Variants in PRELID2 observed in about 807,000 individuals in gnomAD.
PRELID2 encodes the protein PRELI domain-containing protein 2.
In PRELID2, 25 loss-of-function variants were observed where a neutral mutation model predicts 28.4. The ratio of observed to expected loss-of-function variants is 0.88; its 90% CI spans 0.64 to 1.23. The LOEUF (loss-of-function observed/expected upper bound fraction) is 1.23. PRELID2 is among the 50% of genes most tolerant of loss of function. PRELID2 has a pLI of 0.00. For synonymous variants in PRELID2, 76 were observed against 71.6 expected, an observed-to-expected ratio of 1.06 and a Z score of -0.31; for missense variants, 201 against 214.4, an observed-to-expected ratio of 0.94 and a Z score of 0.39.
intron 1 of PRELID2, among the ~76,000 whole-genome samples, chr5:145,734,156 C>T (rs1362658885): frequency 6.6e-6 from 1 of 152,098 alleles, no homozygotes; most frequent in Non-Finnish European, 1.5e-5. Flanking sequence ...CACTCTGTCA[C>T]CCAGGCTGGA....
intron 5 of PRELID2, among the ~76,000 whole-genome samples, chr5:145,773,090 T>G (rs6870640): frequency 6.6e-6 from 1 of 152,190 alleles, no homozygotes; most frequent in African/African-American, 2.4e-5. Context: ...TATAAAGCTT[T>G]CTCTCTCCTT....
intron 1 of PRELID2, among the ~76,000 whole-genome samples, chr5:145,831,029 G>C (rs11745319): frequency 0.7 from 105,912 of 152,022 alleles, 38,294 homozygotes; most frequent in Non-Finnish European, 0.81. Context: ...TATGATTGTC[G>C]CTTCTGCCAA....
downstream of PRELID2, among the ~76,000 whole-genome samples, chr5:145,752,515 TG>T (rs1757150640): frequency 6.6e-6 from 1 of 152,156 alleles, no homozygotes; most frequent in Non-Finnish European, 1.5e-5. Flanking sequence ...AAAGATATGT[TG>T]GGGGCAGGGT....
At chr5:145,310,888 A>T in the PRELID2 span, among the ~76,000 whole-genome samples, 1 of 152,042 alleles carries the variant, frequency 6.6e-6, no homozygotes, top group African/African-American at 2.4e-5. Flanking sequence ...CTAAATAAAA[A>T]TTCCAATCTT....
chr5:145,741,846 A>C (rs1756796358), intron 1 of PRELID2, among the ~76,000 whole-genome samples: 2 of 51,472 alleles, frequency 3.9e-5, no homozygotes, highest in Admixed American at 6.2e-4. Flanking sequence ...TAAATATATA[A>C]AACATTTTTA....
At chr5:145,414,395 T>C in the PRELID2 span, among the ~76,000 whole-genome samples, 1 of 152,198 alleles carries the variant, frequency 6.6e-6, no homozygotes, top group African/African-American at 2.4e-5. Flanking sequence ...CCAGGCCTGC[T>C]GAAAATCTGT....
intron 1 of PRELID2, among the ~76,000 whole-genome samples, chr5:145,676,712 C>A (rs1421838602): frequency 1.3e-5 from 2 of 152,142 alleles, no homozygotes; most frequent in African/African-American, 4.8e-5. Flanking sequence ...TAAATAAACA[C>A]CACCATCCAT....
At chr5:145,529,756 T>C (rs1393668009) in intron 1 of PRELID2, among the ~76,000 whole-genome samples, 3 of 152,110 alleles carry the variant, frequency 2.0e-5, no homozygotes, top group Non-Finnish European at 4.4e-5. Context: ...AAAATATGTG[T>C]CTGCTTTAGA....
chr5:145,783,476 G>A lies in PRELID2; in HGVS notation c.474+12966C>T, dbSNP rs139846528. Among the ~76,000 whole-genome samples, 173 of 152,324 alleles carry A rather than the reference G, an allele frequency of 1.1e-3. 1 individual carries two copies. Among genetic ancestry groups the A allele is most frequent in the Non-Finnish European group, 2.1e-3 (140 of 68,020 alleles). Reference sequence around the variant, plus strand: ...GGGGAAGGAGATGTGTAAGAATACAGCAGCTACTATGATATACCTGGTCTA... The same window carrying A: ...GGGGAAGGAGATGTGTAAGAATACAACAGCTACTATGATATACCTGGTCTA... On this transcript the variant is annotated intron_variant, in intron 5 of 6. Coordinates refer to ENST00000683046, the MANE Select transcript of PRELID2 (RefSeq NM_205846.3).
the PRELID2 span, among the ~76,000 whole-genome samples, chr5:145,359,841 T>C: frequency 2.0e-5 from 3 of 152,190 alleles, no homozygotes; most frequent in East Asian, 3.9e-4. Flanking sequence ...ATAAACACTC[T>C]ACTACCAAGC....
intron 1 of PRELID2, among the ~76,000 whole-genome samples, chr5:145,827,676 C>T (rs1423090426): frequency 6.6e-6 from 1 of 152,158 alleles, no homozygotes; most frequent in Non-Finnish European, 1.5e-5. Flanking sequence ...GAGGAAAATC[C>T]TCTTATCACA....
the PRELID2 span, among the ~76,000 whole-genome samples, chr5:145,396,439 T>C: frequency 1.3e-5 from 2 of 149,420 alleles, no homozygotes; most frequent in Admixed American, 6.7e-5. Context: ...ACCAAAGGTG[T>C]CCCAAAGCCT....
At chr5:145,766,387 C>A (rs998317313) in intron 5 of PRELID2, among the ~76,000 whole-genome samples, 1 of 152,130 alleles carries the variant, frequency 6.6e-6, no homozygotes, top group Non-Finnish European at 1.5e-5. Context: ...GCTGTGAACA[C>A]CACGTGGGCC....
At chr5:145,814,554 G>A (rs1754168399) in intron 4 of PRELID2, among the ~76,000 whole-genome samples, 2 of 152,130 alleles carry the variant, frequency 1.3e-5, no homozygotes, top group Admixed American at 1.3e-4. Context: ...ATCACTACAG[G>A]ACCAAAGTTA....
chr5:145,718,028 T>C (rs1019587122), intron 1 of PRELID2, among the ~76,000 whole-genome samples: 10 of 152,020 alleles, frequency 6.6e-5, no homozygotes, highest in African/African-American at 1.4e-4. Flanking sequence ...GTAAGGATAA[T>C]TGAAGTTCGT....
At chr5:145,581,075 C>T (rs138326632) in intron 1 of PRELID2, among the ~76,000 whole-genome samples, 1 of 151,946 alleles carries the variant, frequency 6.6e-6, no homozygotes, top group African/African-American at 2.4e-5. Context: ...AAGAGGAAAA[C>T]ACCAGACTTT....
intron 1 of PRELID2, among the ~76,000 whole-genome samples, chr5:145,535,823 T>A (rs1262465691): frequency 6.6e-6 from 1 of 151,954 alleles, no homozygotes; most frequent in Non-Finnish European, 1.5e-5. Context: ...CTTTTTCACT[T>A]CTTCCTTTAG....
chr5:145,508,299 A>T (rs200889948), intron 1 of PRELID2, among the ~76,000 whole-genome samples: 8 of 104,660 alleles, frequency 7.6e-5, no homozygotes, highest in South Asian at 7.4e-4. Flanking sequence ...TAGATAGATT[A>T]AAAAATGTAA....
At chr5:145,403,697 G>A in the PRELID2 span, among the ~76,000 whole-genome samples, 11 of 152,254 alleles carry the variant, frequency 7.2e-5, no homozygotes, top group East Asian at 7.7e-4. Flanking sequence ...CAAATCCTAC[G>A]ACATGGGTGT....
Sources: gnomAD v4.1 joint callset for allele counts (sites outside exome capture counted in the v4.1 genomes callset) on GRCh38, gnomAD v4.1.1 for gene constraint, MANE v1.5 for transcripts, NCBI Gene and HGNC (gene_info 2026-07-23, HGNC 2026-07-21) for gene names.